LRRC43: variants seen among roughly 807,000 people sequenced by gnomAD.
The protein encoded by LRRC43 is leucine rich repeat containing 43.
In LRRC43, 62 loss-of-function variants were observed where a neutral mutation model predicts 64.3. The observed-to-expected ratio is 0.96, with a 90% confidence interval of 0.79 to 1.19. The LOEUF (loss-of-function observed/expected upper bound fraction) is 1.19. Ranked by LOEUF, LRRC43 falls within the 50% of genes most tolerant of loss-of-function variation. The probability of loss-of-function intolerance (pLI) is 0.00; values close to 1 mark genes in which losing one functional copy is unlikely to be tolerated. For missense variants in LRRC43, 868 were observed against 845.0 expected (o/e 1.03, Z -0.34); for synonymous variants, 422 against 382.3 (o/e 1.10, Z -1.21).
intron 11 of LRRC43, among the ~76,000 whole-genome samples, chr12:122,202,994 C>A (rs1953860931): frequency 6.6e-6 from 1 of 151,944 alleles, no homozygotes; most frequent in Non-Finnish European, 1.5e-5. Flanking sequence ...TGGAGGCTGA[C>A]GCAGGAGAAT....
At chr12:122,193,381 T>TAAAAAAAA (rs34910328) in intron 7 of LRRC43, among the ~76,000 whole-genome samples, 17 of 47,180 alleles carry the variant, frequency 3.6e-4, no homozygotes, top group African/African-American at 1.1e-3. Context: ...CTCCGTCTCA[T>TAAAAAAAA]AAAAAAAAAA....
intron 1 of LRRC43, among the ~76,000 whole-genome samples, chr12:122,173,043 A>T (rs959047776): frequency 6.6e-6 from 1 of 152,098 alleles, no homozygotes; most frequent in Non-Finnish European, 1.5e-5. Context: ...CTGGCCTTCC[A>T]TGGCAGCTCC....
intron 1 of LRRC43, among the ~76,000 whole-genome samples, chr12:122,175,419 C>T (rs893434689): frequency 3.3e-5 from 5 of 151,736 alleles, no homozygotes; most frequent in South Asian, 2.1e-4. Context: ...CACCTGCCTC[C>T]GCCTCTCAAA....
intron 3 of LRRC43, among the ~76,000 whole-genome samples, chr12:122,186,925 C>G (rs12424694): frequency 0.24 from 36,173 of 148,534 alleles, 5,392 homozygotes; most frequent in Non-Finnish European, 0.32. Flanking sequence ...TCAAAGTGGT[C>G]TATCCATTCA....
In LRRC43 at chr12:122,174,218, G is replaced by C. The variant is rs1253251988; in HGVS notation, c.-406+6436G>C. The stretch of plus-strand genomic sequence containing the variant: ...GCTTCAGTGGGGGCTTCTGGAGCCA[G>C]ATGTGTTCGCCATGGCTGCCTGGAG... On this transcript the variant is annotated intron_variant, in intron 1 of 5. Coordinates refer to the LRRC43 transcript ENST00000537729. 4 of 1,613,028 alleles carry C rather than the reference G, an allele frequency of 2.5e-6. No homozygotes were observed. In the African/African-American group the frequency reaches 5.3e-5, roughly 22 times the overall value.
chr12:122,186,072 G>A lies in LRRC43; in HGVS notation c.412-118G>A, dbSNP rs368112879. The A allele has an allele frequency of 3.1e-4, 201 of 655,296 alleles. 4 individuals carry two copies. The highest frequency in any genetic ancestry group is 2.5e-3 in the East Asian group (93 of 36,772). 40.6% of individuals were successfully genotyped at this position (655,296 alleles called of 1,614,324 possible). ...GAACGGCTTCCGGGGAGCAGGGGGTGGGAAGGGAGGGGAAGTAACTCTGAT... is the reference window on the plus strand; with the variant it reads ...GAACGGCTTCCGGGGAGCAGGGGGTAGGAAGGGAGGGGAAGTAACTCTGAT... On this transcript the variant is annotated intron_variant, in intron 2 of 11. Coordinates refer to ENST00000339777, the MANE Select transcript of LRRC43 (RefSeq NM_001098519.2).
At chr12:122,175,294 T>A (rs1953527583) in intron 1 of LRRC43, among the ~76,000 whole-genome samples, 1 of 151,404 alleles carries the variant, frequency 6.6e-6, no homozygotes, top group Non-Finnish European at 1.5e-5. Flanking sequence ...CTCAGCCTCC[T>A]GAGTGGCTGG....
chr12:122,171,458 C>A (rs560374542), intron 1 of LRRC43, among the ~76,000 whole-genome samples: 1 of 152,312 alleles, frequency 6.6e-6, no homozygotes, highest in Admixed American at 6.5e-5. Context: ...AACTCCTGGG[C>A]TCAAGCAATC....
chr12:122,192,797 A>G lies in LRRC43; in HGVS notation c.1142A>G (p.Glu381Gly), dbSNP rs752538053. The G allele has an allele frequency of 6.2e-7, 1 of 1,614,138 alleles. No individual in the cohort carries two copies. The highest frequency in any genetic ancestry group is 1.7e-5 in the Admixed American group (1 of 60,006). Reference protein sequence around the residue: ...LELLVEESPEEVVEDVIEDIV... With the variant: ...LELLVEESPEGVVEDVIEDIV... The stretch of plus-strand genomic sequence containing the variant: ...TTATTAGTTGAGGAATCTCCTGAAG[A>G]GGTCGTGGAAGACGTCATCGAAGAC... Residue 381 changes from glutamate (E) to glycine (G), a missense_variant, in exon 7 of 12, where the codon GAG (glutamate) becomes GGG (glycine). Physicochemically the swap from Glu to Gly is moderately conservative, Grantham distance 98. Coordinates refer to ENST00000339777, the MANE Select transcript of LRRC43 (RefSeq NM_001098519.2).
chr12:122,189,354 G>A, intron 4 of LRRC43: 5 of 451,932 alleles, frequency 1.1e-5, no homozygotes, highest in South Asian at 7.8e-5. Context: ...CAGCAGGGAA[G>A]GGAAGCCCCC....
chr12:122,199,786 G>A (rs899226447), intron 7 of LRRC43, among the ~76,000 whole-genome samples: 1 of 152,010 alleles, frequency 6.6e-6, no homozygotes, highest in African/African-American at 2.4e-5. Context: ...GTCTCGATAT[G>A]TTGCCCAAGC....
At chr12:122,168,610 A>G (rs921460293) in intron 1 of LRRC43, among the ~76,000 whole-genome samples, 1 of 152,150 alleles carries the variant, frequency 6.6e-6, no homozygotes, top group African/African-American at 2.4e-5. Flanking sequence ...TTTTAGATTT[A>G]TAGAAAATTT....
intron 4 of LRRC43, among the ~76,000 whole-genome samples, chr12:122,188,170 C>T (rs888731744): frequency 2.0e-5 from 3 of 152,068 alleles, no homozygotes; most frequent in Non-Finnish European, 4.4e-5. Context: ...GCATTGGCGC[C>T]ATCTCTGCTC....
intron 3 of LRRC43, 70 bp downstream of exon 3, chr12:122,186,370 C>A (rs1369769550): frequency 3.0e-6 from 3 of 987,614 alleles, no homozygotes; most frequent in African/African-American, 1.6e-5. Flanking sequence ...TACCCTGCCC[C>A]ACATAGTGTG....
In LRRC43 at chr12:122,203,459, G is replaced by T; in HGVS notation, c.*17G>T. The stretch of plus-strand genomic sequence containing the variant: ...GCCGTGTAGGGCGTGGGCAGTAAAG[G>T]CTGTTCCCAGCACTCCCGCCTCCGC... On this transcript the variant is annotated 3_prime_UTR_variant, in exon 12 of 12. Transcript: ENST00000339777. 1 of 1,595,750 alleles carries T rather than the reference G, an allele frequency of 6.3e-7. No homozygotes were observed.
Position 122,190,368 on chromosome 12 carries a change from G to A in LRRC43, c.901G>A (p.Asp301Asn), listed in dbSNP as rs764270416. ...HLFRGLSLNG[D>N]LLAQEAQFVV... ...CTTCCGGGGGCTCAGCCTCAATGGC[G>A]GTGAGGGTACTGGCATGCAGGGAGG... is the stretch of plus-strand genomic sequence containing the variant. The change falls in exon 5 of 12, where the codon GAT (aspartate) becomes AAT (asparagine). Residue 301 changes from aspartate to asparagine, a missense_variant and splice_region_variant. Coordinates refer to ENST00000339777, the MANE Select transcript of LRRC43 (RefSeq NM_001098519.2). The A allele has an allele frequency of 3.7e-5, 60 of 1,610,728 alleles. No homozygotes were observed. The highest frequency in any genetic ancestry group is 2.5e-4 in the South Asian group (23 of 90,934).
At chr12:122,172,319 C>T (rs1038359947) in intron 1 of LRRC43, 42 of 908,586 alleles carry the variant, frequency 4.6e-5, no homozygotes, top group Admixed American at 9.3e-5. Flanking sequence ...GAAAAATGTA[C>T]TTAAGGAATC....
chr12:122,183,164 C>T lies in LRRC43; in HGVS notation c.20C>T (p.Ser7Phe), dbSNP rs1421904296. Residue 7 changes from serine (S) to phenylalanine (F), a missense_variant, in exon 1 of 12, where the codon TCC becomes TTC. Physicochemically the swap from Ser to Phe is radical, Grantham distance 155. Transcript: ENST00000339777. Reference sequence around the variant, plus strand: ...CGGGCCATGGAGGCGTCGTACGAGTCCGAGTCCGAGTCCGAGTCTGAGGCC... The same window carrying T: ...CGGGCCATGGAGGCGTCGTACGAGTTCGAGTCCGAGTCCGAGTCTGAGGCC... Reference protein sequence around the residue: MEASYESESESESEAGP... With the variant: MEASYEFESESESEAGP... 1.3e-6 allele frequency: 2 copies of T among 1,548,966 alleles called. No homozygotes were observed. Among genetic ancestry groups the T allele is most frequent in the African/African-American group, 1.4e-5 (1 of 72,042 alleles).
chr12:122,172,334 C>CA lies in LRRC43; in HGVS notation c.-406+4553dup, dbSNP rs1462561395. On this transcript the variant is annotated intron_variant, in intron 1 of 5. Coordinates refer to the LRRC43 transcript ENST00000537729. Reference sequence around the variant, plus strand: ...GAAAAATGTACTTAAGGAATCACGGCAGAGTTCCCACACTTAGCTGTCGGT... The same window carrying CA: ...GAAAAATGTACTTAAGGAATCACGGCAAGAGTTCCCACACTTAGCTGTCGGT... 6.8e-6 allele frequency: 7 copies of CA among 1,032,484 alleles called. No individual in the cohort carries two copies. The African/African-American group carries it at 1.1e-4, about 17-fold the overall frequency. 64.0% of individuals were successfully genotyped at this position (1,032,484 alleles called of 1,614,324 possible).
Sources: gnomAD v4.1 joint callset for allele counts (sites outside exome capture counted in the v4.1 genomes callset) on GRCh38, gnomAD v4.1.1 for gene constraint, MANE v1.5 for transcripts, NCBI Gene and HGNC (gene_info 2026-07-23, HGNC 2026-07-21) for gene names.